Variants in CAMTA2 observed in about 807,000 individuals in gnomAD.
CAMTA2 encodes the protein calmodulin binding transcription activator 2, also known as calmodulin-binding transcription activator 2.
In CAMTA2, 56 loss-of-function variants were observed where a neutral mutation model predicts 135.7. The ratio of observed to expected loss-of-function variants is 0.41; its 90% CI spans 0.33 to 0.52. The LOEUF is 0.52. Among genes scored for constraint, CAMTA2 ranks in the 20% least tolerant of loss-of-function variants. The pLI is 0.16. For missense variants in CAMTA2, 1,358 were observed against 1,553.4 expected (o/e 0.87, Z 2.11); for synonymous variants, 591 against 604.6 (o/e 0.98, Z 0.33).
intron 7 of CAMTA2, 35 bp downstream of exon 7, chr17:4,981,643 C>T: frequency 2.6e-6 from 4 of 1,553,518 alleles, no homozygotes; most frequent in Non-Finnish European, 2.6e-6. Flanking sequence ...TTTCTACTCT[C>T]CCCTTGGAGC....
At chr17:4,974,808 C>T (rs140987760) in intron 11 of CAMTA2, 4 of 252,144 alleles carry the variant, frequency 1.6e-5, no homozygotes, top group South Asian at 4.7e-5. Context: ...AAATCCCACC[C>T]GTACACACTC....
At chr17:4,971,245 C>G (rs2151162032) in intron 16 of CAMTA2, among the ~76,000 whole-genome samples, 1 of 152,204 alleles carries the variant, frequency 6.6e-6, no homozygotes, top group East Asian at 1.9e-4. Flanking sequence ...AGCCTTACCT[C>G]TCCACACAAC....
Position 4,982,123 on chromosome 17 carries a change from G to C in CAMTA2, c.377C>G (p.Pro126Arg). 1 of 1,612,966 alleles carries C rather than the reference G, an allele frequency of 6.2e-7. No homozygotes were observed. Among genetic ancestry groups the C allele is most frequent in the East Asian group, 2.2e-5 (1 of 44,816 alleles). ...YGCYVHSSIV[P>R]TFHRRCYWLL... ...CCAGTAGCAGCGCCGATGGAATGTG[G>C]GGACGATGGAAGAGTGAACGTAGCA... Residue 126 changes from proline (P) to arginine (R), a missense_variant, in exon 6 of 23, where the codon CCC becomes CGC. Transcript: ENST00000348066.
intron 16 of CAMTA2, among the ~76,000 whole-genome samples, 157 bp downstream of exon 16, chr17:4,972,075 A>G (rs1972325223): frequency 1.3e-5 from 2 of 152,176 alleles, no homozygotes; most frequent in Admixed American, 1.3e-4. Context: ...CACATGGTCT[A>G]AAAGGAGCTA....
chr17:4,986,284 G>A lies in CAMTA2; in HGVS notation c.-62C>T. On this transcript the variant is annotated splice_region_variant and 5_prime_UTR_variant, in exon 2 of 23. An upstream open reading frame in the 5' UTR gains an earlier in-frame stop. Coordinates refer to ENST00000348066, the MANE Select transcript of CAMTA2 (RefSeq NM_015099.4). ...GAGGGGCCGGGGGGAGGGGGAGTCT[G>A]TGCTGGGAAGGGAGAGAACAAGGTC... The A allele has an allele frequency of 4.4e-6, 6 of 1,360,528 alleles. No homozygotes were observed. Among genetic ancestry groups the A allele is most frequent in the Non-Finnish European group, 6.2e-6 (6 of 966,738 alleles). The allele number at this position is 1,360,528 out of a possible 1,614,324, so 84.3% of individuals were successfully genotyped here. A position where few individuals can be genotyped will look rare whatever the true frequency, so the allele number is the denominator to read the frequency against.
Position 4,984,426 on chromosome 17 carries a change from G to GTACC in CAMTA2, c.136-1387_136-1384dup, listed in dbSNP as rs200140337. Among the ~76,000 whole-genome samples the GTACC allele has an allele frequency of 5.2e-3, 795 of 152,302 alleles. 4 individuals are homozygous for GTACC. Among genetic ancestry groups the GTACC allele is most frequent in the Non-Finnish European group, 8.5e-3 (578 of 68,030 alleles). On this transcript the variant is annotated intron_variant, in intron 3 of 22. Coordinates refer to ENST00000348066, the MANE Select transcript of CAMTA2 (RefSeq NM_015099.4). ...TGCATGTTAGTGCCCTACAAGGCAG[G>GTACC]TACCATGTGCACACCTCTCCATATC...
At chr17:4,982,232 G>T (rs775126259) in intron 5 of CAMTA2, 72 bp from the exon 6 acceptor site, 2 of 1,067,874 alleles carry the variant, frequency 1.9e-6, no homozygotes, top group Non-Finnish European at 2.9e-6. Flanking sequence ...CAGTCCCTTT[G>T]CAGGAATCCC....
At chr17:4,972,698 A>T in intron 15 of CAMTA2, 71 bp downstream of exon 15, 1 of 1,499,894 alleles carries the variant, frequency 6.7e-7, no homozygotes, top group South Asian at 1.1e-5. Flanking sequence ...CGTTTCCCAC[A>T]CCCTTTGGCT....
chr17:4,980,045 C>G lies in CAMTA2; in HGVS notation c.1277G>C (p.Arg426Pro). ...AAALEPQAAA[R>P]GPPPQSVAGG... ...TGCTACTGACTGTGGTGGGGGACCC[C>G]GAGCAGCTGCCTGGGGCTCCAGGGC... The change falls in exon 9 of 23, where the codon CGG becomes CCG. Residue 426 changes from arginine (R) to proline (P), a missense_variant. By Grantham distance (103) the Arg-to-Pro change is moderately radical. Transcript: ENST00000348066. This position sits in a 1 kb window ranked among gnomAD's most constrained non-coding sequence, Gnocchi z 5.3. 1 of 1,612,718 alleles carries G rather than the reference C, an allele frequency of 6.2e-7. No homozygotes were observed. The highest frequency in any genetic ancestry group is 8.5e-7 in the Non-Finnish European group (1 of 1,178,960).
chr17:4,984,087 A>C (rs1973122283), intron 3 of CAMTA2, among the ~76,000 whole-genome samples: 1 of 152,196 alleles, frequency 6.6e-6, no homozygotes, highest in African/African-American at 2.4e-5. Context: ...AGTAGCTGGG[A>C]CTACAGGCGC....
rs16942615 is a variant in CAMTA2, at chr17:4,972,333, A to G, written c.2707T>C (p.Ser903Pro). 0.076 allele frequency: 122,348 copies of G among 1,613,416 alleles called. 5,234 individuals are homozygous for G. The highest frequency in any genetic ancestry group is 0.18 in the Middle Eastern group (1,087 of 6,062). The part of the protein sequence containing the change: ...LLLMDYEATN[S>P]KGPLSSLPAL... Reference sequence around the variant, plus strand: ...GGAAGGGAGGAGAGGGGCCCCTTGGAGTTGGTAGCCTCATAGTCCATGAGG... The same window carrying G: ...GGAAGGGAGGAGAGGGGCCCCTTGGGGTTGGTAGCCTCATAGTCCATGAGG... The change falls in exon 16 of 23, where the codon TCC becomes CCC. Residue 903 changes from serine (S) to proline (P), a missense_variant. Transcript: ENST00000348066.
At position 4,978,540 on chromosome 17, in the gene CAMTA2, G is replaced by C. The variant is rs1972761837; in HGVS notation, c.1729C>G (p.Leu577Val). 6.2e-7 allele frequency: 1 copy of C among 1,614,170 alleles called. No individual in the cohort carries two copies. Among genetic ancestry groups the C allele is most frequent in the East Asian group, 2.2e-5 (1 of 44,892 alleles). The change falls in exon 10 of 23, where the codon CTT (leucine) becomes GTT (valine). Residue 577 changes from leucine to valine, a missense_variant. By Grantham distance (32) the Leu-to-Val change is conservative. This residue lies in a region of CAMTA2 where 1,077 missense variants were observed against 1,127.5 expected (regional missense o/e 0.96). Coordinates refer to ENST00000348066, the MANE Select transcript of CAMTA2 (RefSeq NM_015099.4). ...VFDHIAVPAS[L>V]VQPGVLRCYC... Reference sequence around the variant, plus strand: ...CAGCGTAAGACACCAGGCTGGACAAGTGAGGCTGGCACTGCGATGTGATCA... The same window carrying C: ...CAGCGTAAGACACCAGGCTGGACAACTGAGGCTGGCACTGCGATGTGATCA...
chr17:4,968,066 C>A lies in CAMTA2; in HGVS notation c.*690G>T. 1 of 509,136 alleles carries A rather than the reference C, an allele frequency of 2.0e-6. No individual in the cohort carries two copies. The highest frequency in any genetic ancestry group is 3.3e-5 in the East Asian group (1 of 29,940). 31.5% of individuals were successfully genotyped at this position (509,136 alleles called of 1,614,324 possible). Reference sequence around the variant, plus strand: ...GCACAAGTAGAAAGTGCCCGTGGAGCCGGCAGGAGGCCCCCGCCGCGCTAG... The same window carrying A: ...GCACAAGTAGAAAGTGCCCGTGGAGACGGCAGGAGGCCCCCGCCGCGCTAG... On this transcript the variant is annotated 3_prime_UTR_variant, in exon 23 of 23. Transcript: ENST00000348066.
chr17:4,981,493 C>G, intron 7 of CAMTA2, 134 bp from the exon 8 acceptor site: 1 of 1,337,664 alleles, frequency 7.5e-7, no homozygotes, highest in Non-Finnish European at 1.0e-6. Context: ...CTCAAGACTG[C>G]TCAGATATGT....
chr17:4,970,129 C>T (rs369189393), intron 17 of CAMTA2, 44 bp from the exon 18 acceptor site: 90 of 1,577,058 alleles, frequency 5.7e-5, no homozygotes, highest in East Asian at 9.0e-5. Flanking sequence ...CATCTGAAGT[C>T]CCTCCTCTGC....
At chr17:4,987,384 C>G in intron 1 of CAMTA2, 1 of 1,366,730 alleles carries the variant, frequency 7.3e-7, no homozygotes. Context: ...CGGGGGTCTC[C>G]GGGACAGTCC....
chr17:4,986,861 T>G (rs1048712826), intron 1 of CAMTA2: 1 of 1,029,486 alleles, frequency 9.7e-7, no homozygotes, highest in African/African-American at 1.6e-5. Flanking sequence ...ATTCCCACCC[T>G]CAGGACAACC....
rs770601571 is a variant in CAMTA2 at position 4,982,735 on chromosome 17, G to A, written c.339+22C>T. ...GAGGAGGGCAGGCTCGGGAAGATGA[G>A]CTGAATATCTGACTCTCTTACCTCC... On this transcript the variant is annotated intron_variant, in intron 5 of 22. Coordinates refer to ENST00000348066, the MANE Select transcript of CAMTA2 (RefSeq NM_015099.4). 3.7e-6 allele frequency: 6 copies of A among 1,613,504 alleles called. No homozygotes were observed. The South Asian group carries it at 5.5e-5, about 15-fold the overall frequency.
rs1275164040 is a variant in CAMTA2, at chr17:4,973,392, G to A, written c.2202-139C>T. 4 of 867,860 alleles carry A rather than the reference G, an allele frequency of 4.6e-6. No homozygotes were observed. In the East Asian group the frequency reaches 1.0e-4, roughly 22 times the overall value. The allele number at this position is 867,860 out of a possible 1,614,324, so 53.8% of individuals were successfully genotyped here. A position where few individuals can be genotyped will look rare whatever the true frequency, so the allele number is the denominator to read the frequency against. On this transcript the variant is annotated intron_variant, in intron 13 of 22. Transcript: ENST00000348066. Reference sequence around the variant, plus strand: ...GCAGTCAAGGACACTAGCTTAAGGAGGTCAAGAAGTCAAAGTGTTGTAAGT... The same window carrying A: ...GCAGTCAAGGACACTAGCTTAAGGAAGTCAAGAAGTCAAAGTGTTGTAAGT...
Sources: gnomAD v4.1 joint callset for allele counts (sites outside exome capture counted in the v4.1 genomes callset) on GRCh38, gnomAD v4.1.1 for gene constraint, gnomAD v4.1.1 regional missense constraint, Gnocchi (gnomAD v3.1) non-coding constraint, MANE v1.5 for transcripts, NCBI Gene and HGNC (gene_info 2026-07-23, HGNC 2026-07-21) for gene names.